The following CSMD1 variants were observed in gnomAD, a reference collection of about 807,000 sequenced individuals.
CSMD1 encodes CUB and Sushi multiple domains 1, also known as CUB and sushi domain-containing protein 1.
CSMD1 carries 213 observed loss-of-function variants against 417.5 expected under a neutral mutation model. The observed-to-expected ratio is 0.51, with a 90% CI of 0.46 to 0.57. The LOEUF is 0.57. Among genes scored for constraint, CSMD1 ranks in the 20% least tolerant of loss-of-function variants. The pLI is 0.00. For synonymous variants in CSMD1, 2,862 were observed against 1,736.8 expected, an observed-to-expected ratio of 1.65 and a Z score of -16.11; for missense variants, 6,923 against 4,529.7, an observed-to-expected ratio of 1.53 and a Z score of -15.17.
intron 2 of CSMD1, among the ~76,000 whole-genome samples, chr8:4,562,825 T>A (rs1406743544): frequency 6.6e-6 from 1 of 152,168 alleles, no homozygotes; most frequent in African/African-American, 2.4e-5. Flanking sequence ...ATTTATTATG[T>A]TAGAATATCA....
At chr8:4,309,492 C>T (rs1182621381) in intron 3 of CSMD1, among the ~76,000 whole-genome samples, 1 of 152,018 alleles carries the variant, frequency 6.6e-6, no homozygotes, top group Non-Finnish European at 1.5e-5. Context: ...CATTTTCTCT[C>T]ATCAAATTTC....
intron 59 of CSMD1, among the ~76,000 whole-genome samples, chr8:2,963,702 G>T (rs954437552): frequency 6.6e-6 from 1 of 152,176 alleles, no homozygotes; most frequent in African/African-American, 2.4e-5. Context: ...CTTAATTTGT[G>T]TCTTTTTATG....
chr8:3,174,883 C>A (rs923513990), intron 37 of CSMD1, among the ~76,000 whole-genome samples: 2 of 151,946 alleles, frequency 1.3e-5, no homozygotes, highest in Non-Finnish European at 2.9e-5. Context: ...TTTAAAAAAT[C>A]TAGATATTCT....
intron 3 of CSMD1, among the ~76,000 whole-genome samples, chr8:4,034,971 C>T (rs113662928): frequency 7.9e-5 from 12 of 152,226 alleles, no homozygotes; most frequent in East Asian, 5.8e-4. Context: ...ACTTAGTCTG[C>T]GCGACTCTTC....
chr8:4,495,176 C>G (rs138640321), intron 2 of CSMD1, among the ~76,000 whole-genome samples: 1 of 152,102 alleles, frequency 6.6e-6, no homozygotes, highest in Admixed American at 6.6e-5. Flanking sequence ...TTATACTTAG[C>G]ATTACCCAGA....
intron 15 of CSMD1, among the ~76,000 whole-genome samples, chr8:3,405,518 A>G (rs1042674678): frequency 6.6e-6 from 1 of 152,226 alleles, no homozygotes; most frequent in South Asian, 2.1e-4. Context: ...AAAATCATAC[A>G]TTGAGGTCCT....
intron 23 of CSMD1, among the ~76,000 whole-genome samples, chr8:3,320,659 C>A (rs1429152755): frequency 1.3e-5 from 2 of 152,188 alleles, no homozygotes; most frequent in Non-Finnish European, 2.9e-5. Context: ...CATTGGGACG[C>A]AAGAGCGCAG....
intron 5 of CSMD1, among the ~76,000 whole-genome samples, chr8:3,919,209 A>G (rs1809048254): frequency 7.6e-6 from 1 of 132,120 alleles, no homozygotes; most frequent in Non-Finnish European, 1.7e-5. Flanking sequence ...AAAAAAAAAA[A>G]AGAAAGAAAT....
At chr8:3,488,571 T>C (rs576909990) in intron 11 of CSMD1, among the ~76,000 whole-genome samples, 8 of 152,336 alleles carry the variant, frequency 5.3e-5, no homozygotes, top group African/African-American at 1.7e-4. Flanking sequence ...TTATATGAAA[T>C]GTATATCAGT....
At chr8:3,750,685 G>T (rs991898425) in intron 6 of CSMD1, among the ~76,000 whole-genome samples, 1 of 152,046 alleles carries the variant, frequency 6.6e-6, no homozygotes. Context: ...TTTCACATTT[G>T]CCCTCTGAAG....
At chr8:4,143,849 G>C (rs1378567404) in intron 3 of CSMD1, among the ~76,000 whole-genome samples, 5 of 151,068 alleles carry the variant, frequency 3.3e-5, no homozygotes, top group African/African-American at 4.9e-5. Flanking sequence ...TACTTATTTT[G>C]AGGTCCCTCT....
chr8:4,438,917 G>C (rs774990453), intron 2 of CSMD1, among the ~76,000 whole-genome samples: 2 of 152,196 alleles, frequency 1.3e-5, no homozygotes, highest in Non-Finnish European at 2.9e-5. Flanking sequence ...GTATGCATAA[G>C]TAACAATATA....
intron 3 of CSMD1, among the ~76,000 whole-genome samples, chr8:4,168,685 T>G (rs979462824): frequency 1.3e-5 from 2 of 152,286 alleles, no homozygotes; most frequent in East Asian, 3.9e-4. Context: ...TAAAAAATGC[T>G]GTTATTAATT....
At chr8:3,179,622 G>A (rs1008205222) in intron 37 of CSMD1, among the ~76,000 whole-genome samples, 1 of 152,032 alleles carries the variant, frequency 6.6e-6, no homozygotes, top group Non-Finnish European at 1.5e-5. Flanking sequence ...CTCTTTCCAA[G>A]ACAAAGGAAT....
At chr8:4,143,305 T>C (rs1177205795) in intron 3 of CSMD1, among the ~76,000 whole-genome samples, 3 of 150,834 alleles carry the variant, frequency 2.0e-5, no homozygotes, top group South Asian at 2.1e-4. Flanking sequence ...CTTTGTAGTA[T>C]TGCTTTTTAT....
chr8:4,859,868 T>G (rs1802023128), intron 1 of CSMD1, among the ~76,000 whole-genome samples: 1 of 152,108 alleles, frequency 6.6e-6, no homozygotes, highest in Non-Finnish European at 1.5e-5. Flanking sequence ...CTCAGGGATG[T>G]AGAACTGGAA....
intron 2 of CSMD1, among the ~76,000 whole-genome samples, chr8:4,531,533 G>A (rs940554607): frequency 1.3e-5 from 2 of 152,130 alleles, no homozygotes; most frequent in Non-Finnish European, 2.9e-5. Flanking sequence ...CAGAAGGTTG[G>A]AAGGAAGGTG....
chr8:4,455,836 C>G (rs1289390076), intron 2 of CSMD1, among the ~76,000 whole-genome samples: 2 of 138,400 alleles, frequency 1.4e-5, no homozygotes, highest in Non-Finnish European at 3.0e-5. Flanking sequence ...GAGGCTGAGG[C>G]AAGATAACTG....
intron 1 of CSMD1, among the ~76,000 whole-genome samples, chr8:4,844,329 T>C (rs754219967): frequency 9.1e-4 from 139 of 152,096 alleles, no homozygotes; most frequent in Non-Finnish European, 4.6e-4. Flanking sequence ...TATTGATACA[T>C]TTTGTTTTTT....
Sources: allele counts gnomAD v4.1 joint callset (sites outside exome capture counted in the v4.1 genomes callset), GRCh38; gene constraint gnomAD v4.1.1; transcripts MANE v1.5; gene names NCBI Gene and HGNC (gene_info 2026-07-23, HGNC 2026-07-21).